LAMA2: variants seen among roughly 807,000 people sequenced by gnomAD.
LAMA2 encodes the protein laminin subunit alpha-2.
In LAMA2, 269 loss-of-function variants were observed where a neutral mutation model predicts 364.8. The ratio of observed to expected loss-of-function variants is 0.74; its 90% CI spans 0.67 to 0.82. LAMA2 has a LOEUF of 0.82. Ranked by LOEUF, LAMA2 falls within the 40% of genes least tolerant of loss-of-function variation. The probability of loss-of-function intolerance (pLI) is 0.00; values close to 1 mark genes in which losing one functional copy is unlikely to be tolerated. For synonymous variants in LAMA2, 1,379 were observed against 1,370.6 expected (o/e 1.01, Z -0.14); for missense variants, 3,807 against 3,873.2 (o/e 0.98, Z 0.45).
chr6:129,425,523 A>G (rs985533140), intron 40 of LAMA2, among the ~76,000 whole-genome samples: 2 of 151,906 alleles, frequency 1.3e-5, no homozygotes, highest in African/African-American at 4.8e-5. Context: ...TATAGATTTC[A>G]TCACGCAGGA....
At chr6:128,975,417 G>A (rs1458360705) in intron 1 of LAMA2, among the ~76,000 whole-genome samples, 1 of 152,080 alleles carries the variant, frequency 6.6e-6, no homozygotes, top group African/African-American at 2.4e-5. Flanking sequence ...ACTTTAGCTT[G>A]GGAGGAGGGC....
intron 30 of LAMA2, among the ~76,000 whole-genome samples, chr6:129,344,191 AG>A (rs1398162333): frequency 6.6e-6 from 1 of 152,236 alleles, no homozygotes; most frequent in Non-Finnish European, 1.5e-5. Flanking sequence ...GAATTGAAAC[AG>A]GCAAATGAGA....
At chr6:129,319,576 C>T (rs1774826970) in intron 27 of LAMA2, among the ~76,000 whole-genome samples, 1 of 152,164 alleles carries the variant, frequency 6.6e-6, no homozygotes, top group South Asian at 2.1e-4. Context: ...AATCATCCCA[C>T]AACTTATCTA....
At chr6:128,884,184 T>A (rs1274261885) in intron 1 of LAMA2, among the ~76,000 whole-genome samples, 2 of 152,156 alleles carry the variant, frequency 1.3e-5, no homozygotes, top group Admixed American at 6.5e-5. Context: ...TTTCTGAAAC[T>A]TTGGGGAGTC....
chr6:129,026,507 A>C (rs1785833903), intron 1 of LAMA2, among the ~76,000 whole-genome samples: 2 of 152,164 alleles, frequency 1.3e-5, no homozygotes, highest in South Asian at 4.1e-4. Flanking sequence ...TAGTATATAT[A>C]CATGTATATG....
intron 3 of LAMA2, among the ~76,000 whole-genome samples, chr6:129,090,169 A>T (rs1774728980): frequency 6.6e-6 from 1 of 152,214 alleles, no homozygotes; most frequent in African/African-American, 2.4e-5. Context: ...TATACACAAA[A>T]GTATAGAGAA....
At chr6:129,129,505 A>G (rs1161512731) in intron 4 of LAMA2, among the ~76,000 whole-genome samples, 1 of 152,240 alleles carries the variant, frequency 6.6e-6, no homozygotes, top group African/African-American at 2.4e-5. Flanking sequence ...CAGGGCCATT[A>G]CATCATTTCT....
At position 129,060,722 on chromosome 6, in the gene LAMA2, A is replaced by G. The variant is rs868419209; in HGVS notation, c.396+826A>G. Among the ~76,000 whole-genome samples, 5 of 152,332 alleles carry G rather than the reference A, an allele frequency of 3.3e-5. No homozygotes were observed. The South Asian group carries it at 6.2e-4, about 19-fold the overall frequency. On this transcript the variant is annotated intron_variant, in intron 3 of 64. Coordinates refer to ENST00000421865, the MANE Select transcript of LAMA2 (RefSeq NM_000426.4). ...CCCCCAGCCAGTGGGCCAGATCAGC[A>G]CAAGACATTTTCCTAATGGATGCCA...
rs554546202 is a variant in LAMA2, at chr6:129,372,738, G to A, written c.4959+2748G>A. On this transcript the variant is annotated intron_variant, in intron 34 of 64. Coordinates refer to ENST00000421865, the MANE Select transcript of LAMA2 (RefSeq NM_000426.4). ...GAAATTACCAAAATGTATTCCAAAT[G>A]GTCTTTTCTATTTTGCATTCCCACC... Among the ~76,000 whole-genome samples the A allele has an allele frequency of 3.4e-3, 520 of 152,230 alleles. 1 individual carries two copies. Among genetic ancestry groups the A allele is most frequent in the African/African-American group, 0.012 (502 of 41,540 alleles).
At chr6:129,213,853 A>G (rs1783258869) in intron 12 of LAMA2, among the ~76,000 whole-genome samples, 1 of 152,152 alleles carries the variant, frequency 6.6e-6, no homozygotes, top group African/African-American at 2.4e-5. Context: ...GATGATTTTT[A>G]ATTTTAATAA....
intron 58 of LAMA2, among the ~76,000 whole-genome samples, chr6:129,498,822 A>G (rs1033016135): frequency 6.6e-6 from 1 of 152,208 alleles, no homozygotes. Context: ...TTATCAACGA[A>G]TCATACGCAC....
At chr6:129,427,203 G>A (rs987187181) in intron 40 of LAMA2, among the ~76,000 whole-genome samples, 4 of 152,076 alleles carry the variant, frequency 2.6e-5, no homozygotes, top group African/African-American at 9.7e-5. Context: ...TTGCCATACC[G>A]CTTTAAGATG....
chr6:129,244,680 T>C (rs1785625390), intron 12 of LAMA2, among the ~76,000 whole-genome samples: 1 of 152,052 alleles, frequency 6.6e-6, no homozygotes, highest in Non-Finnish European at 1.5e-5. Context: ...CCTCAATAGG[T>C]TATCCCATCC....
chr6:129,502,984 G>A lies in LAMA2; in HGVS notation c.8358-107G>A, dbSNP rs1583911889. 10 of 1,112,094 alleles carry A rather than the reference G, an allele frequency of 9.0e-6. No individual in the cohort carries two copies. The East Asian group carries it at 1.9e-4, about 21-fold the overall frequency. 68.9% of individuals were successfully genotyped at this position (1,112,094 alleles called of 1,614,324 possible). On this transcript the variant is annotated intron_variant, in intron 59 of 64. Coordinates refer to ENST00000421865, the MANE Select transcript of LAMA2 (RefSeq NM_000426.4). The stretch of plus-strand genomic sequence containing the variant: ...CTGATAAAGTCCTCATCTCTGAGAA[G>A]GTTTTACTCTCCTTTATGAAAATGC...
intron 12 of LAMA2, among the ~76,000 whole-genome samples, chr6:129,213,238 GT>G (rs1473679776): frequency 1.3e-5 from 2 of 152,046 alleles, no homozygotes; most frequent in Non-Finnish European, 2.9e-5. Context: ...ATACTATTTT[GT>G]TGTCTGGATA....
At chr6:128,992,655 T>C (rs752859686) in intron 1 of LAMA2, among the ~76,000 whole-genome samples, 1 of 152,168 alleles carries the variant, frequency 6.6e-6, no homozygotes, top group African/African-American at 2.4e-5. Flanking sequence ...AACAAAAAAG[T>C]CTGTATTCTA....
intron 12 of LAMA2, among the ~76,000 whole-genome samples, chr6:129,210,329 A>C (rs1456084971): frequency 1.3e-5 from 2 of 152,170 alleles, no homozygotes; most frequent in African/African-American, 4.8e-5. Flanking sequence ...TAACCTCGTT[A>C]GCCACCACCA....
chr6:129,351,830 C>T (rs1293602775), intron 31 of LAMA2, among the ~76,000 whole-genome samples: 1 of 152,128 alleles, frequency 6.6e-6, no homozygotes, highest in Non-Finnish European at 1.5e-5. Flanking sequence ...ATGCTACTTT[C>T]AGTATTTGTA....
At chr6:129,287,168 T>C (rs1305409682) in intron 18 of LAMA2, among the ~76,000 whole-genome samples, 3 of 149,684 alleles carry the variant, frequency 2.0e-5, no homozygotes, top group African/African-American at 7.4e-5. Context: ...AGTTTGCTAA[T>C]AGAGTTGGCA....
Sources: allele counts gnomAD v4.1 joint callset (sites outside exome capture counted in the v4.1 genomes callset), GRCh38; gene constraint gnomAD v4.1.1; transcripts MANE v1.5; gene names NCBI Gene and HGNC (gene_info 2026-07-23, HGNC 2026-07-21).